The following ROBO1 variants were observed in gnomAD, a reference collection of about 807,000 sequenced individuals.
ROBO1 encodes roundabout homolog 1.
A neutral mutation model predicts 195.9 loss-of-function variants in ROBO1; 149 were observed. The observed-to-expected ratio is 0.76, with a 90% CI of 0.67 to 0.87. The LOEUF is 0.87. ROBO1 is among the 40% of genes least tolerant of loss of function. The pLI, the probability that ROBO1 is intolerant of heterozygous loss-of-function variation, is 0.00. For missense variants in ROBO1, 1,933 were observed against 2,068.3 expected (o/e 0.93, Z 1.27); for synonymous variants, 816 against 733.2 (o/e 1.11, Z -1.82).
chr3:79,516,370 A>G (rs1192092994), intron 2 of ROBO1, among the ~76,000 whole-genome samples: 1 of 152,108 alleles, frequency 6.6e-6, no homozygotes, highest in African/African-American at 2.4e-5. Flanking sequence ...TTAAAAATGC[A>G]TATTTTCACA....
In ROBO1 at chr3:78,820,064, C is replaced by A. The variant is rs145468469; in HGVS notation, c.500-73164G>T. The stretch of plus-strand genomic sequence containing the variant: ...AAAAGAGTACAATCGAAAAAGGGAT[C>A]CAATTTGAAAACAAAGGGCTTTCAC... On this transcript the variant is annotated intron_variant, in intron 4 of 30. Coordinates refer to ENST00000464233, the MANE Select transcript of ROBO1 (RefSeq NM_002941.4). Among the ~76,000 whole-genome samples, 38 of 152,242 alleles carry A rather than the reference C, an allele frequency of 2.5e-4. 1 individual carries two copies. In the East Asian group the frequency reaches 5.8e-3, roughly 23 times the overall value.
chr3:78,865,291 C>A (rs546442565), intron 4 of ROBO1, among the ~76,000 whole-genome samples: 1 of 152,238 alleles, frequency 6.6e-6, no homozygotes, highest in African/African-American at 2.4e-5. Context: ...CACAGCAATA[C>A]TTCTGTGGTG....
intron 4 of ROBO1, among the ~76,000 whole-genome samples, chr3:78,783,420 C>T (rs756056809): frequency 6.6e-6 from 1 of 152,132 alleles, no homozygotes; most frequent in Non-Finnish European, 1.5e-5. Flanking sequence ...TCTATACCTA[C>T]AATCAATTTA....
chr3:79,528,376 C>T (rs1402938286), intron 2 of ROBO1, among the ~76,000 whole-genome samples: 1 of 152,046 alleles, frequency 6.6e-6, no homozygotes, highest in Non-Finnish European at 1.5e-5. Context: ...AGATTTGTAT[C>T]GGATGGAAAT....
intron 4 of ROBO1, among the ~76,000 whole-genome samples, chr3:78,917,099 G>GTTTTTTTTTTTTTTTTTTTTT (rs756798186): frequency 7.9e-6 from 1 of 127,348 alleles, no homozygotes; most frequent in African/African-American, 2.9e-5. Context: ...TTTGTTTTTC[G>GTTTTTTTTTTTTTTTTTTTTT]TTTTTTTTTT....
In ROBO1 at chr3:79,506,877, G is replaced by A. The variant is rs186184702; in HGVS notation, c.88+82947C>T. Among the ~76,000 whole-genome samples the A allele has an allele frequency of 2.6e-3, 399 of 152,018 alleles. 3 individuals carry two copies. Among genetic ancestry groups the A allele is most frequent in the Non-Finnish European group, 2.2e-3 (149 of 67,964 alleles). ...TAAACTGGCAAGTAGGAAAGAGTGT[G>A]AATTTGTTATCCATTAACCAAATAT... is the stretch of plus-strand genomic sequence containing the variant. On this transcript the variant is annotated intron_variant, in intron 2 of 30. Coordinates refer to ENST00000464233, the MANE Select transcript of ROBO1 (RefSeq NM_002941.4).
At chr3:79,119,558 T>G (rs2108556863) in intron 3 of ROBO1, among the ~76,000 whole-genome samples, 1 of 152,278 alleles carries the variant, frequency 6.6e-6, no homozygotes, top group South Asian at 2.1e-4. Context: ...TTCCCAGAAC[T>G]ATTGAAAGAC....
chr3:79,053,606 T>G (rs769471971), intron 3 of ROBO1, among the ~76,000 whole-genome samples: 6 of 151,920 alleles, frequency 3.9e-5, no homozygotes, highest in Non-Finnish European at 8.8e-5. Flanking sequence ...AGCCTGCTTC[T>G]CTGTACCCTT....
intron 2 of ROBO1, among the ~76,000 whole-genome samples, chr3:79,469,184 G>GA (rs1397180451): frequency 6.6e-6 from 1 of 152,008 alleles, no homozygotes; most frequent in Non-Finnish European, 1.5e-5. Flanking sequence ...GGTTTATAAA[G>GA]AATTTAGAAA....
At chr3:79,080,393 A>G (rs1205064805) in intron 3 of ROBO1, among the ~76,000 whole-genome samples, 1 of 151,978 alleles carries the variant, frequency 6.6e-6, no homozygotes, top group Non-Finnish European at 1.5e-5. Flanking sequence ...CTACATGTTC[A>G]TAATTTGTAT....
chr3:78,715,475 C>A (rs2081879050), intron 7 of ROBO1, among the ~76,000 whole-genome samples: 1 of 152,138 alleles, frequency 6.6e-6, no homozygotes, highest in Non-Finnish European at 1.5e-5. Context: ...CGTGTCCCTG[C>A]CACTAGCCTC....
intron 1 of ROBO1, among the ~76,000 whole-genome samples, chr3:79,603,619 T>C (rs1432540591): frequency 6.6e-6 from 1 of 151,990 alleles, no homozygotes; most frequent in Non-Finnish European, 1.5e-5. Flanking sequence ...ATAAAGAGGA[T>C]ACTAAAACCT....
intron 3 of ROBO1, among the ~76,000 whole-genome samples, chr3:78,949,763 C>A (rs1221514614): frequency 1.3e-5 from 2 of 152,122 alleles, no homozygotes; most frequent in African/African-American, 4.8e-5. Flanking sequence ...ACCTACTCAT[C>A]TGACAAAGGG....
chr3:79,580,663 A>ATTTTATATTTTATATAT (rs1423147329), intron 2 of ROBO1, among the ~76,000 whole-genome samples: 2 of 152,138 alleles, frequency 1.3e-5, no homozygotes, highest in African/African-American at 4.8e-5. Context: ...AATGAATTTA[A>ATTTTATATTTTATATAT]ATATATTCAC....
intron 2 of ROBO1, among the ~76,000 whole-genome samples, chr3:79,578,982 A>C (rs1285988262): frequency 6.6e-6 from 1 of 152,154 alleles, no homozygotes; most frequent in Non-Finnish European, 1.5e-5. Context: ...GAGCTTGCGG[A>C]TTATGTCAGC....
At chr3:78,788,891 G>C (rs901828785) in intron 4 of ROBO1, among the ~76,000 whole-genome samples, 1 of 152,064 alleles carries the variant, frequency 6.6e-6, no homozygotes, top group Non-Finnish European at 1.5e-5. Flanking sequence ...ATCTTAATTA[G>C]AGTTAGATTG....
At chr3:79,618,705 C>T (rs565172477) in intron 1 of ROBO1, among the ~76,000 whole-genome samples, 4 of 152,316 alleles carry the variant, frequency 2.6e-5, no homozygotes, top group African/African-American at 9.6e-5. Context: ...TTCATGGTCT[C>T]TTCACATGGA....
At chr3:79,682,394 C>T (rs1008868543) in intron 1 of ROBO1, among the ~76,000 whole-genome samples, 1 of 151,942 alleles carries the variant, frequency 6.6e-6, no homozygotes. Flanking sequence ...TCTGTTCTTA[C>T]TAATTTTAAC....
chr3:79,378,729 T>G (rs1443307145), intron 2 of ROBO1, among the ~76,000 whole-genome samples: 1 of 152,232 alleles, frequency 6.6e-6, no homozygotes, highest in Non-Finnish European at 1.5e-5. Flanking sequence ...TTACACCTTA[T>G]ATGCTCAGAA....
Sources: gnomAD v4.1 joint callset for allele counts (sites outside exome capture counted in the v4.1 genomes callset) on GRCh38, gnomAD v4.1.1 for gene constraint, MANE v1.5 for transcripts, NCBI Gene and HGNC (gene_info 2026-07-23, HGNC 2026-07-21) for gene names.